The following LINGO1 variants were observed in gnomAD, a reference collection of about 807,000 sequenced individuals.
LINGO1 encodes the protein leucine-rich repeat and immunoglobulin-like domain-containing nogo receptor-interacting protein 1.
A neutral mutation model predicts 37.3 loss-of-function variants in LINGO1; 11 were observed. The observed-to-expected ratio is 0.29, with a 90% CI of 0.19 to 0.49. LINGO1 has a LOEUF of 0.49. LINGO1 is among the 20% of genes least tolerant of loss of function. LINGO1 has a pLI of 0.99. For missense variants in LINGO1, 585 were observed against 878.2 expected (o/e 0.67, Z 4.22); for synonymous variants, 387 against 403.0 (o/e 0.96, Z 0.48).
chr15:77,799,162 G>A (rs2076897116), intron 1 of LINGO1, among the ~76,000 whole-genome samples: 2 of 152,164 alleles, frequency 1.3e-5, no homozygotes, highest in South Asian at 4.1e-4. Flanking sequence ...AATACCCCTA[G>A]CTATTTCCTC....
At chr15:77,777,251 G>A (rs112607172) in intron 1 of LINGO1, among the ~76,000 whole-genome samples, 89 of 118,422 alleles carry the variant, frequency 7.5e-4, no homozygotes, top group African/African-American at 2.6e-3. Context: ...GATTACTGTC[G>A]TTGTTATCAT....
chr15:77,647,013 A>G (rs1317882359), intron 3 of LINGO1, among the ~76,000 whole-genome samples: 1 of 146,516 alleles, frequency 6.8e-6, no homozygotes, highest in Non-Finnish European at 1.5e-5. Flanking sequence ...GTCATGGTGA[A>G]GTGAGCAGTG....
At chr15:77,628,954 T>C (rs1187517353) in intron 1 of LINGO1, among the ~76,000 whole-genome samples, 1 of 152,252 alleles carries the variant, frequency 6.6e-6, no homozygotes. Context: ...TATGAGTAGC[T>C]AGCACTTATT....
chr15:77,680,597 TC>T (rs1242744445), intron 2 of LINGO1, among the ~76,000 whole-genome samples: 2 of 151,990 alleles, frequency 1.3e-5, no homozygotes, highest in African/African-American at 4.8e-5. Context: ...TGCAGGACCT[TC>T]CCCACATGCA....
In LINGO1 at chr15:77,718,524, T is replaced by G. The variant is rs1039531193; in HGVS notation, c.-195+16468A>C. On this transcript the variant is annotated intron_variant, in intron 2 of 3. Coordinates refer to the LINGO1 transcript ENST00000561686. ...GCCTACACATGTACAGACTCACACATCCACGCATATTTGCATGGCACATGT... is the reference window on the plus strand; with the variant it reads ...GCCTACACATGTACAGACTCACACAGCCACGCATATTTGCATGGCACATGT... Among the ~76,000 whole-genome samples the G allele has an allele frequency of 1.1e-4, 16 of 150,784 alleles. 1 individual carries two copies. Among genetic ancestry groups the G allele is most frequent in the African/African-American group, 3.9e-4 (16 of 41,476 alleles).
intron 1 of LINGO1, among the ~76,000 whole-genome samples, chr15:77,764,121 A>G (rs1448176129): frequency 3.3e-5 from 5 of 152,196 alleles, no homozygotes; most frequent in Admixed American, 6.5e-5. Flanking sequence ...CACTGTATGC[A>G]TTTTAGTTAT....
intron 1 of LINGO1, among the ~76,000 whole-genome samples, chr15:77,621,980 T>G (rs1389825875): frequency 6.6e-6 from 1 of 152,160 alleles, no homozygotes; most frequent in African/African-American, 2.4e-5. Context: ...GTCCTCTGGG[T>G]GCTCAGCCTG....
In LINGO1 at chr15:77,632,238, C is replaced by A; in HGVS notation, c.6+72G>T. 7.6e-7 allele frequency: 1 copy of A among 1,307,700 alleles called. No homozygotes were observed. Among genetic ancestry groups the A allele is most frequent in the South Asian group, 2.2e-5 (1 of 46,114 alleles). 81.0% of individuals were successfully genotyped at this position (1,307,700 alleles called of 1,614,324 possible). ...CAACCCCAGGAGGGCGCAGCCAGGG[C>A]CGATGGCGGCCCCCAGGGGCACTCG... On this transcript the variant is annotated intron_variant, in intron 1 of 1. Coordinates refer to ENST00000355300, the MANE Select transcript of LINGO1 (RefSeq NM_032808.7). The surrounding 1 kb of genome is among the most constrained non-coding windows in gnomAD (Gnocchi z 6.0).
upstream of LINGO1, among the ~76,000 whole-genome samples, chr15:77,639,062 A>G (rs1405904944): frequency 1.3e-5 from 2 of 152,098 alleles, no homozygotes; most frequent in Non-Finnish European, 2.9e-5. Context: ...TGATGTCTCT[A>G]GTCAACCCCC....
chr15:77,770,439 TAGTC>T (rs1453593692), intron 1 of LINGO1, among the ~76,000 whole-genome samples: 3 of 151,780 alleles, frequency 2.0e-5, no homozygotes, highest in African/African-American at 7.3e-5. Flanking sequence ...AATACAAAAT[TAGTC>T]AGGCGAGGTG....
chr15:77,662,798 C>G (rs538070546), intron 3 of LINGO1, among the ~76,000 whole-genome samples: 1 of 152,246 alleles, frequency 6.6e-6, no homozygotes, highest in South Asian at 2.1e-4. Flanking sequence ...CTTGGTCACA[C>G]GCAGGCACAC....
At chr15:77,767,151 A>G (rs1266831106) in intron 1 of LINGO1, among the ~76,000 whole-genome samples, 6 of 152,232 alleles carry the variant, frequency 3.9e-5, no homozygotes. Flanking sequence ...CAGAGAGCAC[A>G]TAGTGAATTA....
chr15:77,653,319 C>A (rs1346648961), intron 3 of LINGO1, among the ~76,000 whole-genome samples: 2 of 152,170 alleles, frequency 1.3e-5, no homozygotes, highest in Non-Finnish European at 2.9e-5. Context: ...TCATCTTGAA[C>A]TGACCCTAGA....
chr15:77,764,488 T>C (rs1317229081), intron 1 of LINGO1, among the ~76,000 whole-genome samples: 2 of 152,182 alleles, frequency 1.3e-5, no homozygotes, highest in East Asian at 1.9e-4. Flanking sequence ...TGCAAATCAA[T>C]AAGAAAAAGA....
intron 3 of LINGO1, among the ~76,000 whole-genome samples, chr15:77,642,308 C>A (rs78465601): frequency 6.6e-6 from 1 of 152,188 alleles, no homozygotes; most frequent in Admixed American, 6.5e-5. Flanking sequence ...GGGACCCCCA[C>A]CCCCAGGGAG....
At chr15:77,748,879 TTTA>T (rs1271919284) in intron 1 of LINGO1, among the ~76,000 whole-genome samples, 1 of 144,088 alleles carries the variant, frequency 6.9e-6, no homozygotes, top group East Asian at 2.0e-4. Flanking sequence ...TATTTATTTA[TTTA>T]TTTATTTATT....
intron 1 of LINGO1, chr15:77,820,108 G>C (rs2077085541): frequency 1.3e-5 from 2 of 151,212 alleles, no homozygotes; most frequent in Admixed American, 1.3e-4. Flanking sequence ...GCGGCGAGGG[G>C]ACCCGCCACG....
At position 77,615,025 on chromosome 15, in the gene LINGO1, G is replaced by C. The variant is rs1388202351; in HGVS notation, c.882C>G (p.Leu294=). The C allele has an allele frequency of 1.2e-6, 2 of 1,613,948 alleles. No individual in the cohort carries two copies. Among genetic ancestry groups the C allele is most frequent in the East Asian group, 4.5e-5 (2 of 44,898 alleles). The change falls in exon 2 of 2, where the codon CTC becomes CTG. Residue 294 remains leucine (L), a synonymous_variant. Transcript: ENST00000355300. ...CAATGGTGCTGATGGGGTTGTAGGA[G>C]AGGTTGAGGAAGCGGAGATAGACTA... ...RHLVYLRFLN[L]SYNPISTIEG...
chr15:77,657,124 T>C (rs1231093838), intron 3 of LINGO1, among the ~76,000 whole-genome samples: 1 of 152,164 alleles, frequency 6.6e-6, no homozygotes, highest in Non-Finnish European at 1.5e-5. Flanking sequence ...CCAGGCAAGC[T>C]TGGGGACTGG....
Sources: allele counts gnomAD v4.1 joint callset (sites outside exome capture counted in the v4.1 genomes callset), GRCh38; gene constraint gnomAD v4.1.1; non-coding constraint Gnocchi (gnomAD v3.1); transcripts MANE v1.5; gene names NCBI Gene and HGNC (gene_info 2026-07-23, HGNC 2026-07-21).